MECOM: variants seen among roughly 807,000 people sequenced by gnomAD.
MECOM encodes MDS1 and EVI1 complex locus.
A neutral mutation model predicts 116.3 loss-of-function variants in MECOM; 13 were observed. The ratio of observed to expected loss-of-function variants is 0.11; its 90% CI spans 0.07 to 0.18. The LOEUF (loss-of-function observed/expected upper bound fraction) is 0.18. Ranked by LOEUF, MECOM falls within the 10% of genes least tolerant of loss-of-function variation. The probability of loss-of-function intolerance (pLI) is 1.00; values close to 1 mark genes in which losing one functional copy is unlikely to be tolerated. For synonymous variants in MECOM, 528 were observed against 535.2 expected, an observed-to-expected ratio of 0.99 and a Z score of 0.19; for missense variants, 1,299 against 1,509.0, an observed-to-expected ratio of 0.86 and a Z score of 2.31.
intron 1 of MECOM, chr3:169,614,777 C>T (rs771367079): frequency 1.3e-5 from 2 of 152,158 alleles, no homozygotes; most frequent in Non-Finnish European, 2.9e-5. Context: ...CCTCCTGCCT[C>T]AGCTTCCTGG....
chr3:169,475,114 T>G (rs747873650), intron 1 of MECOM, among the ~76,000 whole-genome samples: 5 of 152,192 alleles, frequency 3.3e-5, no homozygotes, highest in African/African-American at 1.2e-4. Flanking sequence ...GTCCATGTAT[T>G]TATTGGTAAC....
chr3:169,650,315 G>A (rs1387247186), intron 1 of MECOM, among the ~76,000 whole-genome samples: 5 of 152,160 alleles, frequency 3.3e-5, no homozygotes, highest in Admixed American at 6.6e-5. Flanking sequence ...AAGTTTTGGT[G>A]GGTCTAGTAG....
chr3:169,226,565 T>A (rs6803957), intron 2 of MECOM, among the ~76,000 whole-genome samples: 126,595 of 152,180 alleles, frequency 0.83, 52,707 homozygotes, highest in East Asian at 0.86. Flanking sequence ...CCCGTTTTAT[T>A]TATGAGAAAA....
chr3:169,232,498 A>T (rs917803930), intron 2 of MECOM, among the ~76,000 whole-genome samples: 6 of 152,096 alleles, frequency 3.9e-5, no homozygotes, highest in African/African-American at 1.4e-4. Context: ...CAACTGGCAT[A>T]GGAATCACAG....
intron 1 of MECOM, among the ~76,000 whole-genome samples, chr3:169,648,232 T>C (rs1485143003): frequency 6.6e-6 from 1 of 152,216 alleles, no homozygotes; most frequent in Non-Finnish European, 1.5e-5. Context: ...TATGCTGTAT[T>C]AGGTATCAGA....
chr3:169,647,341 A>T (rs528056157), intron 1 of MECOM, among the ~76,000 whole-genome samples: 1 of 152,198 alleles, frequency 6.6e-6, no homozygotes, highest in Admixed American at 6.5e-5. Flanking sequence ...ACGCATGAAC[A>T]CTCAACAACC....
chr3:169,147,330 A>G (rs1740212920), intron 2 of MECOM: 2 of 985,372 alleles, frequency 2.0e-6, no homozygotes, highest in African/African-American at 1.7e-5. Context: ...CCCTCACGGG[A>G]TCGTCCCCTT....
At chr3:169,582,707 C>G (rs1765258868) in intron 1 of MECOM, among the ~76,000 whole-genome samples, 1 of 152,196 alleles carries the variant, frequency 6.6e-6, no homozygotes, top group South Asian at 2.1e-4. Context: ...GCTAAAAACA[C>G]CTTCAGAGAA....
At chr3:169,196,872 T>C (rs373132689) in intron 2 of MECOM, among the ~76,000 whole-genome samples, 2 of 152,174 alleles carry the variant, frequency 1.3e-5, no homozygotes, top group African/African-American at 4.8e-5. Context: ...TGTATTTTAA[T>C]TGCAGCACTA....
intron 1 of MECOM, among the ~76,000 whole-genome samples, chr3:169,426,299 A>G (rs971631978): frequency 2.6e-5 from 4 of 152,200 alleles, no homozygotes; most frequent in Admixed American, 6.5e-5. Flanking sequence ...TCTGTCAGGT[A>G]AGTACATGCT....
At chr3:169,257,322 C>T (rs1577488405) in intron 2 of MECOM, among the ~76,000 whole-genome samples, 1 of 152,078 alleles carries the variant, frequency 6.6e-6, no homozygotes, top group African/African-American at 2.4e-5. Flanking sequence ...TAATAATAGC[C>T]TCTAGGGAAT....
chr3:169,242,855 C>CTT (rs68094882), intron 2 of MECOM, among the ~76,000 whole-genome samples: 22 of 142,436 alleles, frequency 1.5e-4, no homozygotes, highest in South Asian at 4.5e-4. Flanking sequence ...AGACTGCTTG[C>CTT]TTTTTTTTTT....
At chr3:169,329,626 A>G (rs993205921) in intron 2 of MECOM, among the ~76,000 whole-genome samples, 1 of 152,194 alleles carries the variant, frequency 6.6e-6, no homozygotes, top group Admixed American at 6.5e-5. Flanking sequence ...GTTCTTGTTC[A>G]TAGTAAAGTT....
intron 1 of MECOM, among the ~76,000 whole-genome samples, chr3:169,445,608 C>T (rs774944960): frequency 6.6e-6 from 1 of 152,232 alleles, no homozygotes; most frequent in Non-Finnish European, 1.5e-5. Context: ...ACAGCCCCCA[C>T]ACAGAGTCCC....
rs147916423 is a variant in MECOM at position 169,328,905 on chromosome 3, C to T, written c.375+52282G>A. On this transcript the variant is annotated intron_variant, in intron 2 of 16. Transcript: ENST00000651503. ...TATCTAACCATGTTAATATAAAACA[C>T]GAGACTTGAGGCTATTTACATCTGA... Among the ~76,000 whole-genome samples, 23 of 152,206 alleles carry T rather than the reference C, an allele frequency of 1.5e-4. 1 individual carries two copies. In the South Asian group the frequency reaches 3.5e-3, roughly 23 times the overall value.
At chr3:169,315,392 G>A (rs144865670) in intron 2 of MECOM, among the ~76,000 whole-genome samples, 3 of 152,308 alleles carry the variant, frequency 2.0e-5, no homozygotes, top group East Asian at 3.9e-4. Context: ...GTAAAATACA[G>A]TTGTGCTCAT....
chr3:169,317,416 T>G (rs1478922821), intron 2 of MECOM, among the ~76,000 whole-genome samples: 1 of 152,198 alleles, frequency 6.6e-6, no homozygotes, highest in Non-Finnish European at 1.5e-5. Flanking sequence ...ACTGGTGGTC[T>G]GTGGCTTGAG....
intron 1 of MECOM, among the ~76,000 whole-genome samples, chr3:169,596,646 A>G (rs1361428935): frequency 2.6e-5 from 4 of 152,172 alleles, no homozygotes; most frequent in Admixed American, 2.0e-4. Flanking sequence ...ACCGCTCACC[A>G]TACAGCACAG....
At chr3:169,522,667 A>G (rs978025378) in intron 1 of MECOM, among the ~76,000 whole-genome samples, 42 of 152,334 alleles carry the variant, frequency 2.8e-4, no homozygotes, top group African/African-American at 9.1e-4. Flanking sequence ...GATCATATGG[A>G]TGTAAATGTG....
Sources: allele counts gnomAD v4.1 joint callset (sites outside exome capture counted in the v4.1 genomes callset), GRCh38; gene constraint gnomAD v4.1.1; transcripts MANE v1.5; gene names NCBI Gene and HGNC (gene_info 2026-07-23, HGNC 2026-07-21).